The following SLC9C1 variants were observed in gnomAD, a reference collection of about 807,000 sequenced individuals.
SLC9C1 encodes sodium/hydrogen exchanger 10.
In SLC9C1, 97 loss-of-function variants were observed where a neutral mutation model predicts 140.9. The ratio of observed to expected loss-of-function variants is 0.69; its 90% CI spans 0.58 to 0.82. SLC9C1 has a LOEUF of 0.82. Among genes scored for constraint, SLC9C1 ranks in the 40% least tolerant of loss-of-function variants. The pLI is 0.00. For missense variants in SLC9C1, 1,340 were observed against 1,389.3 expected, an observed-to-expected ratio of 0.96 and a Z score of 0.56; for synonymous variants, 440 against 442.6, an observed-to-expected ratio of 0.99 and a Z score of 0.07.
chr3:112,157,684 T>C (rs1157420046), intron 26 of SLC9C1, among the ~76,000 whole-genome samples: 1 of 152,044 alleles, frequency 6.6e-6, no homozygotes, highest in Non-Finnish European at 1.5e-5. Flanking sequence ...TTGTGTTCCT[T>C]CTTTGATTTC....
At chr3:112,287,470 G>A (rs989678009) in intron 1 of SLC9C1, among the ~76,000 whole-genome samples, 6 of 152,094 alleles carry the variant, frequency 3.9e-5, no homozygotes, top group African/African-American at 1.2e-4. Context: ...AAGAATGTAA[G>A]AAAAATATTA....
intron 20 of SLC9C1, among the ~76,000 whole-genome samples, chr3:112,190,717 A>C (rs765890391): frequency 6.8e-6 from 1 of 146,160 alleles, no homozygotes; most frequent in Admixed American, 6.9e-5. Flanking sequence ...TATATCTGTG[A>C]AATACTTTTT....
At chr3:112,274,026 G>A (rs533657718) in intron 6 of SLC9C1, among the ~76,000 whole-genome samples, 4 of 152,172 alleles carry the variant, frequency 2.6e-5, no homozygotes, top group Non-Finnish European at 2.9e-5. Context: ...CAAAACCAGC[G>A]CAAGTGCACC....
At chr3:112,220,254 C>A (rs1021968245) in intron 14 of SLC9C1, among the ~76,000 whole-genome samples, 12 of 152,290 alleles carry the variant, frequency 7.9e-5, no homozygotes, top group Admixed American at 3.3e-4. Context: ...AAAGTCTGTA[C>A]TTGAAATGAA....
chr3:112,292,636 C>G (rs962328698), intron 1 of SLC9C1, among the ~76,000 whole-genome samples: 1 of 152,014 alleles, frequency 6.6e-6, no homozygotes, highest in Admixed American at 6.5e-5. Flanking sequence ...CTCTGCCTCC[C>G]GGGTTCACAC....
chr3:112,167,570 C>A (rs975122288), intron 25 of SLC9C1, among the ~76,000 whole-genome samples: 1 of 151,734 alleles, frequency 6.6e-6, no homozygotes, highest in African/African-American at 2.4e-5. Context: ...ATTTCTATTC[C>A]ATATGAAAAA....
chr3:112,142,477 ACTG>A, intron 28 of SLC9C1, among the ~76,000 whole-genome samples: 2 of 152,162 alleles, frequency 1.3e-5, no homozygotes, highest in South Asian at 4.1e-4. Context: ...CCATTCTTGA[ACTG>A]CTTTTATTAT....
intron 18 of SLC9C1, among the ~76,000 whole-genome samples, 190 bp from the exon 19 acceptor site, chr3:112,200,952 T>G (rs2077891293): frequency 6.6e-6 from 1 of 152,012 alleles, no homozygotes; most frequent in African/African-American, 2.4e-5. Flanking sequence ...ATAGAGAAGA[T>G]AAGAGGTATA....
intron 20 of SLC9C1, among the ~76,000 whole-genome samples, chr3:112,191,479 G>A (rs1421868705): frequency 6.6e-6 from 1 of 152,038 alleles, no homozygotes; most frequent in East Asian, 1.9e-4. Flanking sequence ...TTTTGTTAAT[G>A]TGGTGTATCA....
chr3:112,232,775 A>G (rs1450297816), intron 12 of SLC9C1, among the ~76,000 whole-genome samples: 1 of 152,118 alleles, frequency 6.6e-6, no homozygotes, highest in Non-Finnish European at 1.5e-5. Flanking sequence ...ACCATGACTG[A>G]TTAGTGTGCT....
At chr3:112,247,229 A>G (rs1218415886) in intron 10 of SLC9C1, among the ~76,000 whole-genome samples, 2 of 152,130 alleles carry the variant, frequency 1.3e-5, no homozygotes, top group Non-Finnish European at 2.9e-5. Flanking sequence ...GGCATTTGCA[A>G]AAGTGTCCTC....
At chr3:112,166,420 T>C (rs2077136799) in intron 26 of SLC9C1, among the ~76,000 whole-genome samples, 1 of 152,214 alleles carries the variant, frequency 6.6e-6, no homozygotes, top group African/African-American at 2.4e-5. Context: ...TGTGCATCCT[T>C]CGAGCTGGAG....
At chr3:112,229,788 C>G (rs1278573572) in intron 13 of SLC9C1, among the ~76,000 whole-genome samples, 1 of 151,900 alleles carries the variant, frequency 6.6e-6, no homozygotes, top group East Asian at 1.9e-4. Context: ...ACAAAACTAT[C>G]CAGAAAAGTT....
At chr3:112,146,210 T>C (rs528205809) in intron 28 of SLC9C1, among the ~76,000 whole-genome samples, 1 of 152,162 alleles carries the variant, frequency 6.6e-6, no homozygotes, top group Non-Finnish European at 1.5e-5. Context: ...GCTTTCTTTT[T>C]TTTTTTAATC....
chr3:112,171,074 C>T lies in SLC9C1; in HGVS notation c.2920-1746G>A, dbSNP rs146633367. Among the ~76,000 whole-genome samples, 579 of 152,168 alleles carry T rather than the reference C, an allele frequency of 3.8e-3. 4 individuals carry two copies. The highest frequency in any genetic ancestry group is 0.012 in the African/African-American group (514 of 41,506). ...ACTAAAAATACAAAAATTATCTGGG[C>T]ATGGTGGCACGTGACTGTAATCCTA... On this transcript the variant is annotated intron_variant, in intron 23 of 28. Coordinates refer to ENST00000305815, the MANE Select transcript of SLC9C1 (RefSeq NM_183061.3).
rs1465194803 is a variant in SLC9C1, at chr3:112,169,044, G to A, written c.3070C>T (p.Gln1024Ter). The A allele has an allele frequency of 6.3e-7, 1 of 1,592,896 alleles. No individual in the cohort carries two copies. Among genetic ancestry groups the A allele is most frequent in the Non-Finnish European group, 8.5e-7 (1 of 1,173,132 alleles). Residue 1024 changes from glutamine to a stop codon, truncating the protein, a stop_gained, in exon 25 of 29, where the codon CAA (glutamine) becomes TAA (stop). Transcript: ENST00000305815. LOFTEE classifies it high-confidence loss of function. ...ACATAAATATTAGAGAGCTTTAGTT[G>A]CATATTGTAGTTCCAATCCTGTTTT... is the stretch of plus-strand genomic sequence containing the variant. ...LSYEDWNYNM[Q>*]LKLSNIYVVD...
intron 28 of SLC9C1, among the ~76,000 whole-genome samples, chr3:112,146,503 A>G (rs550266169): frequency 6.6e-6 from 1 of 152,224 alleles, no homozygotes; most frequent in Admixed American, 6.5e-5. Flanking sequence ...AGACTTTGGT[A>G]TGTTGTGTCT....
intron 10 of SLC9C1, among the ~76,000 whole-genome samples, chr3:112,258,277 G>C (rs1377639658): frequency 6.6e-6 from 1 of 152,162 alleles, no homozygotes; most frequent in Non-Finnish European, 1.5e-5. Flanking sequence ...AAATAGCAAA[G>C]ATATAGAATT....
At chr3:112,271,312 AG>A (rs1350918455) in intron 6 of SLC9C1, among the ~76,000 whole-genome samples, 1 of 151,338 alleles carries the variant, frequency 6.6e-6, no homozygotes, top group Non-Finnish European at 1.5e-5. Flanking sequence ...TAACTAAGAG[AG>A]TAAATTTCAA....
Sources: gnomAD v4.1 joint callset for allele counts (sites outside exome capture counted in the v4.1 genomes callset) on GRCh38, gnomAD v4.1.1 for gene constraint, MANE v1.5 for transcripts, NCBI Gene and HGNC (gene_info 2026-07-23, HGNC 2026-07-21) for gene names.